Variants in SLC33A1 observed in about 807,000 individuals in gnomAD.
The protein encoded by SLC33A1 is acetyl-coenzyme A transporter 1.
Under a neutral mutation model 50.0 loss-of-function variants are expected in SLC33A1, and 20 were observed. The observed-to-expected ratio is 0.40, with a 90% confidence interval of 0.28 to 0.58. The LOEUF is 0.58. Among genes scored for constraint, SLC33A1 ranks in the 20% least tolerant of loss-of-function variants. SLC33A1 has a pLI of 0.44. For synonymous variants in SLC33A1, 265 were observed against 251.8 expected (o/e 1.05, Z -0.50); for missense variants, 476 against 657.0 (o/e 0.72, Z 3.01).
In SLC33A1 at chr3:155,828,144, T is replaced by C. The variant is rs1752261647; in HGVS notation, c.*66A>G. 8.7e-7 allele frequency: 1 copy of C among 1,146,000 alleles called. No homozygotes were observed. Among genetic ancestry groups the C allele is most frequent in the South Asian group, 1.2e-5 (1 of 81,296 alleles). The allele number at this position is 1,146,000 out of a possible 1,614,324, so 71.0% of individuals were successfully genotyped here. ...ATATTTTATACTCCTGTGCACTGAT[T>C]ATCATTGCTCTCCGAATTAAAACTA... is the stretch of plus-strand genomic sequence containing the variant. On this transcript the variant is annotated 3_prime_UTR_variant, in exon 6 of 6. Coordinates refer to ENST00000643144, the MANE Select transcript of SLC33A1 (RefSeq NM_004733.4).
At chr3:155,841,214 T>C (rs1367073408) in intron 2 of SLC33A1, among the ~76,000 whole-genome samples, 1 of 152,044 alleles carries the variant, frequency 6.6e-6, no homozygotes, top group African/African-American at 2.4e-5. Flanking sequence ...TCCAGGCACA[T>C]GCCACCATAC....
chr3:155,829,744 C>G lies in SLC33A1; in HGVS notation c.1426G>C (p.Val476Leu). 6.2e-7 allele frequency: 1 copy of G among 1,614,126 alleles called. No homozygotes were observed. Among genetic ancestry groups the G allele is most frequent in the Non-Finnish European group, 8.5e-7 (1 of 1,179,998 alleles). ...TTTGATGCTCCTACACACTCTTTTA[C>G]TGTGAGGGGATCTACAAGCCAAAGA... is the stretch of plus-strand genomic sequence containing the variant. ...VALWLVDPLT[V>L]KECVGASNQN... The change falls in exon 5 of 6, where the codon GTA (valine) becomes CTA (leucine). Residue 476 changes from valine (V) to leucine (L), a missense_variant. Transcript: ENST00000643144.
chr3:155,825,796 A>G lies in SLC33A1; in HGVS notation c.*2414T>C, dbSNP rs982620527. On this transcript the variant is annotated 3_prime_UTR_variant, in exon 6 of 6. Transcript: ENST00000643144. ...ACTGTTTAATTTATCAGGATCAATC[A>G]ATCAAGAAAAACACCCACAACATAA... The G allele has an allele frequency of 6.6e-6, 1 of 152,226 alleles. No individual in the cohort carries two copies. The highest frequency in any genetic ancestry group is 2.4e-5 in the African/African-American group (1 of 41,476). 9.4% of individuals were successfully genotyped at this position (152,226 alleles called of 1,614,324 possible).
chr3:155,840,978 T>C (rs1339280984), intron 2 of SLC33A1, among the ~76,000 whole-genome samples: 1 of 151,222 alleles, frequency 6.6e-6, no homozygotes, highest in Admixed American at 6.6e-5. Context: ...AGCGAGACTT[T>C]GTCTCAAAAA....
chr3:155,833,882 T>C lies in SLC33A1; in HGVS notation c.1123A>G (p.Thr375Ala). Residue 375 changes from threonine (T) to alanine (A), a missense_variant, in exon 3 of 6, where the codon ACA becomes GCA. Thr to Ala is a moderately conservative substitution (Grantham distance 58). Transcript: ENST00000643144. ...KYTAGPQPLN[T>A]FYKAMPYRLL... ...CTGTAGGGCATGGCTTTGTAAAATGTGTTTAATGGCTGGGGACCTGCAGTG... is the reference window on the plus strand; with the variant it reads ...CTGTAGGGCATGGCTTTGTAAAATGCGTTTAATGGCTGGGGACCTGCAGTG... 1 of 1,613,868 alleles carries C rather than the reference T, an allele frequency of 6.2e-7. No individual in the cohort carries two copies. The highest frequency in any genetic ancestry group is 1.3e-5 in the African/African-American group (1 of 75,042).
chr3:155,853,808 C>T lies in SLC33A1; in HGVS notation c.190G>A (p.Ala64Thr), dbSNP rs1332360610. 1 of 1,611,688 alleles carries T rather than the reference C, an allele frequency of 6.2e-7. No homozygotes were observed. The change falls in exon 1 of 6, where the codon GCC (alanine) becomes ACC (threonine). Residue 64 changes from alanine to threonine, a missense_variant. Transcript: ENST00000643144. Reference protein sequence around the residue: ...GDTGTGDFLKAPQSFRAELSS... With the variant: ...GDTGTGDFLKTPQSFRAELSS... ...AGTTCGGCCCGGAAGCTCTGTGGGG[C>T]TTTTAAGAAGTCGCCAGTGCCGGTA...
rs1053892104 is a variant in SLC33A1, at chr3:155,825,014, C to G, written c.*3196G>C. 5 of 152,180 alleles carry G rather than the reference C, an allele frequency of 3.3e-5. No individual in the cohort carries two copies. Among genetic ancestry groups the G allele is most frequent in the African/African-American group, 1.2e-4 (5 of 41,446 alleles). 9.4% of individuals were successfully genotyped at this position (152,180 alleles called of 1,614,324 possible). A position where few individuals can be genotyped will look rare whatever the true frequency, so the allele number is the denominator to read the frequency against. On this transcript the variant is annotated 3_prime_UTR_variant, in exon 6 of 6. Transcript: ENST00000643144. Reference sequence around the variant, plus strand: ...ATTTTGAGAGGTCAAGGCTGGACGACTGCTTGAAGCTATGAGATTGGGACT... The same window carrying G: ...ATTTTGAGAGGTCAAGGCTGGACGAGTGCTTGAAGCTATGAGATTGGGACT...
chr3:155,850,705 T>TTCCTGGG (rs1007783167), intron 1 of SLC33A1, among the ~76,000 whole-genome samples: 8 of 151,464 alleles, frequency 5.3e-5, no homozygotes, highest in Non-Finnish European at 1.0e-4. Context: ...CAACCTCTGC[T>TTCCTGGG]TCCTGGGTTC....
chr3:155,844,844 ATTATCC>A (rs1753108641), intron 1 of SLC33A1: 1 of 152,112 alleles, frequency 6.6e-6, no homozygotes, highest in Non-Finnish European at 1.5e-5. Context: ...TATTAATAAC[ATTATCC>A]TTATAAGTGA....
intron 1 of SLC33A1, among the ~76,000 whole-genome samples, chr3:155,849,909 GAATAATAATAATAATAAT>G (rs71138683): frequency 3.2e-4 from 43 of 133,988 alleles, no homozygotes; most frequent in East Asian, 1.8e-3. Flanking sequence ...CTCCATCTCA[GAATAATAATAATAATAAT>G]AATAATAATA....
rs1213588514 is a variant in SLC33A1, at chr3:155,853,426, G to A, written c.572C>T (p.Ala191Val). 6.2e-7 allele frequency: 1 copy of A among 1,614,052 alleles called. No homozygotes were observed. Among genetic ancestry groups the A allele is most frequent in the South Asian group, 1.1e-5 (1 of 91,084 alleles). Reference sequence around the variant, plus strand: ...ACCATCGACGGCAATGTCCTGAGTGGCGGCCAAGAATTCAAACAAAAAGAA... The same window carrying A: ...ACCATCGACGGCAATGTCCTGAGTGACGGCCAAGAATTCAAACAAAAAGAA... Reference protein sequence around the residue: ...VAFFLFEFLAATQDIAVDGWA... With the variant: ...VAFFLFEFLAVTQDIAVDGWA... The change falls in exon 1 of 6, where the codon GCC becomes GTC. Residue 191 changes from alanine (A) to valine (V), a missense_variant. Physicochemically the swap from Ala to Val is moderately conservative, Grantham distance 64. Coordinates refer to ENST00000643144, the MANE Select transcript of SLC33A1 (RefSeq NM_004733.4).
At chr3:155,849,833 T>G in intron 1 of SLC33A1, among the ~76,000 whole-genome samples, 1 of 149,956 alleles carries the variant, frequency 6.7e-6, no homozygotes, top group Admixed American at 6.7e-5. Flanking sequence ...GCTTGAGCCC[T>G]GGAGGGGGAA....
chr3:155,827,564 T>C lies in SLC33A1; in HGVS notation c.*646A>G, dbSNP rs1752239268. The stretch of plus-strand genomic sequence containing the variant: ...ATAACTTTCATTTTATAAAAAATAG[T>C]TTGAATAATTTTCTTATAAATCTTT... On this transcript the variant is annotated 3_prime_UTR_variant, in exon 6 of 6. Transcript: ENST00000643144. 6.6e-6 allele frequency: 1 copy of C among 152,198 alleles called. No individual in the cohort carries two copies. The highest frequency in any genetic ancestry group is 6.6e-5 in the Admixed American group (1 of 15,264). The allele number at this position is 152,198 out of a possible 1,614,324, so 9.4% of individuals were successfully genotyped here.
intron 2 of SLC33A1, among the ~76,000 whole-genome samples, chr3:155,839,059 C>T (rs540381345): frequency 4.1e-4 from 62 of 151,752 alleles, no homozygotes; most frequent in Non-Finnish European, 8.2e-4. Context: ...GAGGCCGAGA[C>T]GGGCAGATCA....
In SLC33A1 at chr3:155,823,096, T is replaced by C. The variant is rs1052059854; in HGVS notation, c.*5114A>G. The C allele has an allele frequency of 6.6e-6, 1 of 152,212 alleles. No homozygotes were observed. Among genetic ancestry groups the C allele is most frequent in the Non-Finnish European group, 1.5e-5 (1 of 68,040 alleles). The allele number at this position is 152,212 out of a possible 1,614,324, so 9.4% of individuals were successfully genotyped here. On this transcript the variant is annotated 3_prime_UTR_variant, in exon 6 of 6. Transcript: ENST00000643144. ...CAAGGCTCCTTAAAGGCAATCTTTA[T>C]AATCCATAGTCAAATAAAAGTTTTT...
chr3:155,854,321 T>G lies in SLC33A1; in HGVS notation c.-324A>C. The G allele has an allele frequency of 3.9e-6, 1 of 256,216 alleles. No individual in the cohort carries two copies. Among genetic ancestry groups the G allele is most frequent in the Non-Finnish European group, 7.4e-6 (1 of 134,648 alleles). 15.9% of individuals were successfully genotyped at this position (256,216 alleles called of 1,614,324 possible). ...TGGTGCCAGGATGGAAACCAGCTCC[T>G]ACCTGCGGCGGGATCGAACGGCTGG... On this transcript the variant is annotated 5_prime_UTR_variant, in exon 1 of 6. The change abolishes the stop of an existing upstream ORF in the 5' untranslated region. Transcript: ENST00000643144.
intron 1 of SLC33A1, among the ~76,000 whole-genome samples, chr3:155,852,728 G>T (rs1313171180): frequency 6.6e-6 from 1 of 152,186 alleles, no homozygotes; most frequent in Non-Finnish European, 1.5e-5. Context: ...CTTGAGTGCA[G>T]AACTCTGCCT....
intron 1 of SLC33A1, among the ~76,000 whole-genome samples, chr3:155,851,012 G>A (rs879742053): frequency 2.6e-5 from 4 of 151,868 alleles, no homozygotes; most frequent in South Asian, 4.2e-4. Context: ...GGGAGGCCGA[G>A]GTGGGCGGAT....
rs1003808956 is a variant in SLC33A1, at chr3:155,827,000, T to C, written c.*1210A>G. On this transcript the variant is annotated 3_prime_UTR_variant, in exon 6 of 6. Transcript: ENST00000643144. ...GAACCTTATCACTGGGTGTATGTAA[T>C]ACGCTGGGAATTGCTAAAGTACTCA... The C allele has an allele frequency of 1.3e-5, 2 of 152,154 alleles. No individual in the cohort carries two copies. The highest frequency in any genetic ancestry group is 2.9e-5 in the Non-Finnish European group (2 of 68,020). 9.4% of individuals were successfully genotyped at this position (152,154 alleles called of 1,614,324 possible).
Sources: gnomAD v4.1 joint callset for allele counts (sites outside exome capture counted in the v4.1 genomes callset) on GRCh38, gnomAD v4.1.1 for gene constraint, MANE v1.5 for transcripts, NCBI Gene and HGNC (gene_info 2026-07-23, HGNC 2026-07-21) for gene names.